Variants in CSMD1 observed in about 807,000 individuals in gnomAD.
CSMD1 encodes the protein CUB and sushi domain-containing protein 1.
In CSMD1, 213 loss-of-function variants were observed where a neutral mutation model predicts 417.5. The observed-to-expected ratio is 0.51, with a 90% CI of 0.46 to 0.57. The LOEUF is 0.57. Ranked by LOEUF, CSMD1 falls within the 20% of genes least tolerant of loss-of-function variation. The pLI, the probability that CSMD1 is intolerant of heterozygous loss-of-function variation, is 0.00. For missense variants in CSMD1, 6,923 were observed against 4,529.7 expected, an observed-to-expected ratio of 1.53 and a Z score of -15.17; for synonymous variants, 2,862 against 1,736.8, an observed-to-expected ratio of 1.65 and a Z score of -16.11.
intron 3 of CSMD1, among the ~76,000 whole-genome samples, chr8:4,303,916 G>C (rs758244920): frequency 5.3e-4 from 81 of 151,960 alleles, no homozygotes; most frequent in African/African-American, 1.6e-3. Context: ...CAGCCTCTCA[G>C]TACTTTTCTA....
rs115293726 is a variant in CSMD1, at chr8:4,459,532, T to C, written c.303-39467A>G. 5.2e-3 allele frequency among the ~76,000 whole-genome samples: 798 copies of C among 152,274 alleles called. 6 individuals are homozygous for C. Among genetic ancestry groups the C allele is most frequent in the African/African-American group, 0.019 (776 of 41,552 alleles). The stretch of plus-strand genomic sequence containing the variant: ...ATGGAAATTGTGAGGATAAGCAATT[T>C]AGAGGAGCCTGGTGCTTTCACTAGA... On this transcript the variant is annotated intron_variant, in intron 2 of 69. Transcript: ENST00000635120.
At chr8:3,178,583 A>G (rs997917244) in intron 37 of CSMD1, among the ~76,000 whole-genome samples, 4 of 152,200 alleles carry the variant, frequency 2.6e-5, no homozygotes, top group Non-Finnish European at 4.4e-5. Context: ...CAGTGTGGCT[A>G]GGACCCAGGA....
chr8:3,960,008 G>T (rs1377503197), intron 5 of CSMD1, among the ~76,000 whole-genome samples: 1 of 152,184 alleles, frequency 6.6e-6, no homozygotes, highest in Admixed American at 6.6e-5. Context: ...TGTGCGTGAA[G>T]CTATTTCAAG....
chr8:4,180,910 A>C (rs1179973627), intron 3 of CSMD1, among the ~76,000 whole-genome samples: 1 of 152,298 alleles, frequency 6.6e-6, no homozygotes, highest in South Asian at 2.1e-4. Context: ...ATTTATTTCT[A>C]AATTTTCAAG....
intron 3 of CSMD1, among the ~76,000 whole-genome samples, chr8:4,194,602 A>G (rs1019351473): frequency 1.1e-4 from 16 of 152,254 alleles, no homozygotes; most frequent in African/African-American, 3.9e-4. Flanking sequence ...TTTGACATTA[A>G]TTTGCTAACA....
intron 25 of CSMD1, among the ~76,000 whole-genome samples, chr8:3,298,898 T>C (rs1804171062): frequency 6.6e-6 from 1 of 152,212 alleles, no homozygotes; most frequent in East Asian, 1.9e-4. Flanking sequence ...GAGTTCTGGT[T>C]ACATGGGGGT....
At chr8:3,609,092 C>T (rs115550124) in intron 8 of CSMD1, among the ~76,000 whole-genome samples, 2,737 of 152,260 alleles carry the variant, frequency 0.018, 79 homozygotes, top group African/African-American at 0.062. Context: ...TCAATAGAAG[C>T]TTTGATATCA....
At chr8:3,804,882 G>A (rs923339135) in intron 5 of CSMD1, among the ~76,000 whole-genome samples, 73 of 152,116 alleles carry the variant, frequency 4.8e-4, no homozygotes, top group Admixed American at 2.0e-4. Flanking sequence ...TAAAAAAGTA[G>A]CATGGATTAG....
At chr8:4,020,727 G>A (rs574936363) in intron 4 of CSMD1, among the ~76,000 whole-genome samples, 32 of 152,284 alleles carry the variant, frequency 2.1e-4, no homozygotes, top group African/African-American at 7.7e-4. Context: ...AAAGTCTTCT[G>A]TAATCTTCAT....
In CSMD1 at chr8:3,493,169, C is replaced by T. The variant is rs567918003; in HGVS notation, c.1448+454G>A. Among the ~76,000 whole-genome samples the T allele has an allele frequency of 9.2e-5, 14 of 151,836 alleles. No homozygotes were observed. The East Asian group carries it at 2.3e-3, about 25-fold the overall frequency. On this transcript the variant is annotated intron_variant, in intron 11 of 69. Transcript: ENST00000635120. ...ATTAGCCTGGCATGATGGCACACACCTGTAATCCCAGCTACTCAGGAGGGT... is the reference window on the plus strand; with the variant it reads ...ATTAGCCTGGCATGATGGCACACACTTGTAATCCCAGCTACTCAGGAGGGT...
chr8:3,002,147 T>C (rs1248614389), intron 52 of CSMD1, among the ~76,000 whole-genome samples: 1 of 152,174 alleles, frequency 6.6e-6, no homozygotes, highest in Non-Finnish European at 1.5e-5. Flanking sequence ...TGGTGATTTG[T>C]CCCAATCACT....
chr8:4,455,519 G>C (rs532057222), intron 2 of CSMD1, among the ~76,000 whole-genome samples: 3 of 152,118 alleles, frequency 2.0e-5, no homozygotes, highest in Admixed American at 1.3e-4. Flanking sequence ...TCTGCAGCTG[G>C]ACCAGAAACA....
chr8:3,575,104 T>C (rs774101983), intron 9 of CSMD1, 38 bp from the exon 10 acceptor site: 17 of 1,603,758 alleles, frequency 1.1e-5, no homozygotes, highest in South Asian at 8.9e-5. Context: ...TTCTACAACA[T>C]TGTGTCAGTT....
chr8:3,893,285 G>A (rs530384483), intron 5 of CSMD1, among the ~76,000 whole-genome samples: 2 of 139,122 alleles, frequency 1.4e-5, no homozygotes, highest in Admixed American at 1.6e-4. Context: ...AGTAATTTGT[G>A]ATTTCTTATT....
At chr8:4,165,003 C>G (rs572243891) in intron 3 of CSMD1, among the ~76,000 whole-genome samples, 1 of 151,996 alleles carries the variant, frequency 6.6e-6, no homozygotes, top group African/African-American at 2.4e-5. Context: ...TTCCTATGTT[C>G]TTGTATGTTT....
chr8:4,008,512 C>G lies in CSMD1; in HGVS notation c.611-10402G>C, dbSNP rs181397422. ...TGTTTACACATGATGCAGAACAAAA[C>G]TTGAAGTTATTGTTGAAAGTTACAG... On this transcript the variant is annotated intron_variant, in intron 4 of 69. Transcript: ENST00000635120. Among the ~76,000 whole-genome samples, 358 of 147,866 alleles carry G rather than the reference C, an allele frequency of 2.4e-3. 1 individual carries two copies. Among genetic ancestry groups the G allele is most frequent in the African/African-American group, 8.5e-3 (342 of 40,234 alleles).
At chr8:4,114,291 G>A (rs1802017047) in intron 3 of CSMD1, among the ~76,000 whole-genome samples, 1 of 152,156 alleles carries the variant, frequency 6.6e-6, no homozygotes, top group Non-Finnish European at 1.5e-5. Flanking sequence ...TGCCTGTGCT[G>A]TCTAAGTGGA....
intron 3 of CSMD1, among the ~76,000 whole-genome samples, chr8:4,280,331 C>T (rs754200888): frequency 6.6e-6 from 1 of 152,170 alleles, no homozygotes. Flanking sequence ...TATGTTACCA[C>T]GTTCTGAAAA....
chr8:4,074,822 C>G (rs1384531503), intron 3 of CSMD1, among the ~76,000 whole-genome samples: 1 of 151,946 alleles, frequency 6.6e-6, no homozygotes, highest in Non-Finnish European at 1.5e-5. Flanking sequence ...TCCATGATGC[C>G]TTTTTCTTGG....
Sources: allele counts gnomAD v4.1 joint callset (sites outside exome capture counted in the v4.1 genomes callset), GRCh38; gene constraint gnomAD v4.1.1; transcripts MANE v1.5; gene names NCBI Gene and HGNC (gene_info 2026-07-23, HGNC 2026-07-21).